Variants in LUC7L3 observed in about 807,000 individuals in gnomAD.
The protein encoded by LUC7L3 is LUC7 like 3 pre-mRNA splicing factor, also known as luc7-like protein 3.
In LUC7L3, 6 loss-of-function variants were observed where a neutral mutation model predicts 66.8. The observed-to-expected ratio is 0.09, with a 90% CI of 0.05 to 0.18. The LOEUF (loss-of-function observed/expected upper bound fraction) is 0.18, where lower values mean the gene tolerates loss of function less well. LUC7L3 is among the 10% of genes least tolerant of loss of function. The pLI is 1.00. For missense variants in LUC7L3, 341 were observed against 531.1 expected (o/e 0.64, Z 3.52); for synonymous variants, 160 against 174.7 (o/e 0.92, Z 0.66).
chr17:50,745,625 A>G (rs758239424), intron 7 of LUC7L3, 95 bp from the exon 8 acceptor site: 152 of 896,628 alleles, frequency 1.7e-4, no homozygotes, highest in Non-Finnish European at 2.4e-4. Context: ...CATCAATTCC[A>G]TAAGTTGGTC....
chr17:50,754,276 C>G lies in LUC7L3; in HGVS notation c.*3615C>G, dbSNP rs1193965625. The stretch of plus-strand genomic sequence containing the variant: ...TTTATTTTGGAAATTTAAAGACATA[C>G]ACAAAAGAGGAACAATATAATTAAC... On this transcript the variant is annotated 3_prime_UTR_variant, in exon 10 of 10. Transcript: ENST00000505658. 6.6e-6 allele frequency: 1 copy of G among 151,816 alleles called. No individual in the cohort carries two copies. The highest frequency in any genetic ancestry group is 1.5e-5 in the Non-Finnish European group (1 of 67,946). 9.4% of individuals were successfully genotyped at this position (151,816 alleles called of 1,614,324 possible).
In LUC7L3 at chr17:50,751,950, T is replaced by C; in HGVS notation, c.*1289T>C. On this transcript the variant is annotated 3_prime_UTR_variant, in exon 10 of 10. Transcript: ENST00000505658. The stretch of plus-strand genomic sequence containing the variant: ...ATGAAAGGAAGTACCAATTAGTTGA[T>C]TTGTTGGTGGCATTCCCCTTTTGGG... 2 of 1,031,512 alleles carry C rather than the reference T, an allele frequency of 1.9e-6. No homozygotes were observed. Among genetic ancestry groups the C allele is most frequent in the Non-Finnish European group, 2.3e-6 (2 of 857,266 alleles). The allele number at this position is 1,031,512 out of a possible 1,614,324, so 63.9% of individuals were successfully genotyped here.
At chr17:50,729,702 T>A (rs1969433148) in intron 1 of LUC7L3, among the ~76,000 whole-genome samples, 1 of 151,970 alleles carries the variant, frequency 6.6e-6, no homozygotes, top group Admixed American at 6.6e-5. Flanking sequence ...ACTTGCAGAC[T>A]CCTACACAGT....
chr17:50,754,816 A>C lies in LUC7L3; in HGVS notation c.*4155A>C, dbSNP rs1475878129. 6.6e-6 allele frequency: 1 copy of C among 152,176 alleles called. No homozygotes were observed. Among genetic ancestry groups the C allele is most frequent in the Non-Finnish European group, 1.5e-5 (1 of 68,022 alleles). 9.4% of individuals were successfully genotyped at this position (152,176 alleles called of 1,614,324 possible). On this transcript the variant is annotated 3_prime_UTR_variant, in exon 10 of 10. Coordinates refer to ENST00000505658, the MANE Select transcript of LUC7L3 (RefSeq NM_016424.5). ...AAATATAGTTAGTGTCACAGAGGAT[A>C]AATAACCAACCTTATTTCTAAGGTC...
At chr17:50,743,950 A>G (rs1234136096) in intron 6 of LUC7L3, 140 bp downstream of exon 6, 1 of 640,706 alleles carries the variant, frequency 1.6e-6, no homozygotes. Context: ...TGTGGCATCT[A>G]CTAAGCTCTG....
At chr17:50,748,544 G>A (rs1309308211) in intron 9 of LUC7L3, 1 of 150,824 alleles carries the variant, frequency 6.6e-6, no homozygotes, top group Non-Finnish European at 1.5e-5. Context: ...GTGTGATCTC[G>A]ATCTCCTGGG....
chr17:50,731,834 T>G (rs138951350), intron 1 of LUC7L3, among the ~76,000 whole-genome samples: 4 of 152,326 alleles, frequency 2.6e-5, no homozygotes, highest in African/African-American at 9.6e-5. Flanking sequence ...CATGTGTTAT[T>G]TGGTTTACAC....
intron 2 of LUC7L3, 88 bp from the exon 3 acceptor site, chr17:50,740,218 T>C (rs1970260559): frequency 1.9e-6 from 2 of 1,041,226 alleles, no homozygotes; most frequent in East Asian, 5.2e-5. Context: ...CCTTTTTCTT[T>C]TTAAAAAGAA....
intron 9 of LUC7L3, among the ~76,000 whole-genome samples, chr17:50,749,941 A>G (rs1597946284): frequency 6.6e-6 from 1 of 152,222 alleles, no homozygotes; most frequent in South Asian, 2.1e-4. Flanking sequence ...TTAGCAAAGC[A>G]CAAAAGTTCA....
chr17:50,722,944 G>T (rs1459962386), intron 1 of LUC7L3: 1 of 152,136 alleles, frequency 6.6e-6, no homozygotes, highest in Non-Finnish European at 1.5e-5. Flanking sequence ...TTATTGTTTT[G>T]GTTTTTTGCA....
intron 3 of LUC7L3, among the ~76,000 whole-genome samples, chr17:50,740,696 T>C (rs1484520516): frequency 6.6e-6 from 1 of 152,172 alleles, no homozygotes; most frequent in Non-Finnish European, 1.5e-5. Flanking sequence ...GTAGTTGGGA[T>C]TACAGGTGCC....
intron 1 of LUC7L3, chr17:50,722,118 C>T (rs1386144014): frequency 6.6e-6 from 1 of 151,228 alleles, no homozygotes; most frequent in Non-Finnish European, 1.5e-5. Context: ...CTCCCCTTCC[C>T]AGAGAGTCAG....
At position 50,746,550 on chromosome 17, in the gene LUC7L3, A is replaced by G; in HGVS notation, c.986A>G (p.Asp329Gly). Residue 329 changes from aspartate to glycine, a missense_variant, in exon 9 of 10, where the codon GAT (aspartate) becomes GGT (glycine). Asp to Gly is a moderately conservative substitution (Grantham distance 94). Coordinates refer to ENST00000505658, the MANE Select transcript of LUC7L3 (RefSeq NM_016424.5). ...GGTTTTAAATTATTAAGAAGTAGAG[A>G]TCGACGAAGAAGCAGAAGCCATGAT... is the stretch of plus-strand genomic sequence containing the variant. ...SRERRRSRSR[D>G]RRRSRSHDRS... The G allele has an allele frequency of 6.2e-7, 1 of 1,612,712 alleles. No homozygotes were observed. The highest frequency in any genetic ancestry group is 8.5e-7 in the Non-Finnish European group (1 of 1,179,648).
At chr17:50,733,008 C>T (rs921648151) in intron 1 of LUC7L3, among the ~76,000 whole-genome samples, 8 of 152,208 alleles carry the variant, frequency 5.3e-5, no homozygotes, top group Admixed American at 2.0e-4. Flanking sequence ...TGTGTTTATT[C>T]GTTTTTTTGT....
Position 50,753,485 on chromosome 17 carries a change from C to T in LUC7L3, c.*2824C>T, listed in dbSNP as rs1312367659. The stretch of plus-strand genomic sequence containing the variant: ...CTTTGAAAAATAATGAAGCCGCCCC[C>T]ACTTTAGAGGCTCTGTATGAAAAAA... On this transcript the variant is annotated 3_prime_UTR_variant, in exon 10 of 10. Transcript: ENST00000505658. The T allele has an allele frequency of 6.6e-6, 1 of 152,230 alleles. No individual in the cohort carries two copies. The highest frequency in any genetic ancestry group is 1.5e-5 in the Non-Finnish European group (1 of 68,024). The allele number at this position is 152,230 out of a possible 1,614,324, so 9.4% of individuals were successfully genotyped here.
rs202223403 is a variant in LUC7L3, at chr17:50,744,447, C to CAAAAT, written c.532-205_532-204insAAAAT. 2.4e-4 allele frequency among the ~76,000 whole-genome samples: 37 copies of CAAAAT among 152,316 alleles called. No homozygotes were observed. The East Asian group carries it at 6.5e-3, about 27-fold the overall frequency. On this transcript the variant is annotated intron_variant, in intron 6 of 9. Coordinates refer to ENST00000505658, the MANE Select transcript of LUC7L3 (RefSeq NM_016424.5). The stretch of plus-strand genomic sequence containing the variant: ...CATTGAACAGTGGGTCTCAACATTT[C>CAAAAT]TTCTGGATGATTCAGTAAGTTAGTT...
At chr17:50,732,563 TTTTTTTTTTTTTTTTAGAGAC>T (rs1379205190) in intron 1 of LUC7L3, among the ~76,000 whole-genome samples, 2 of 146,700 alleles carry the variant, frequency 1.4e-5, no homozygotes, top group Admixed American at 6.8e-5. Context: ...TTTCATTCTT[TTTTTTTTTTTTTTTTAGAGAC>T]AAGGTCTTAC....
chr17:50,747,091 A>G (rs553112402), intron 9 of LUC7L3, among the ~76,000 whole-genome samples: 1 of 152,130 alleles, frequency 6.6e-6, no homozygotes, highest in East Asian at 1.9e-4. Context: ...ACATTGTTGC[A>G]TTAATCTTCA....
chr17:50,736,982 GT>G lies in LUC7L3; in HGVS notation c.127del (p.Cys43ValfsTer35). ...HESVCKYYLC[G>X]FCPAELFTNT... is the part of the protein sequence containing the mutation. Reference sequence around the variant, plus strand: ...TAGGTTTGTAAATATTATCTCTGTGGTTTTTGTCCTGCGGAATTGTTCACAA... The same window carrying G: ...TAGGTTTGTAAATATTATCTCTGTGGTTTTGTCCTGCGGAATTGTTCACAA... On this transcript the variant is annotated frameshift_variant, in exon 2 of 10. Transcript: ENST00000505658. LOFTEE classifies it high-confidence loss of function. 1.2e-6 allele frequency: 2 copies of G among 1,609,966 alleles called. No individual in the cohort carries two copies. Among genetic ancestry groups the G allele is most frequent in the South Asian group, 1.1e-5 (1 of 90,206 alleles).
Sources: gnomAD v4.1 joint callset for allele counts (sites outside exome capture counted in the v4.1 genomes callset) on GRCh38, gnomAD v4.1.1 for gene constraint, MANE v1.5 for transcripts, NCBI Gene and HGNC (gene_info 2026-07-23, HGNC 2026-07-21) for gene names.